The following CSGALNACT1 variants were observed in gnomAD, a reference collection of about 807,000 sequenced individuals.
CSGALNACT1 encodes the protein chondroitin sulfate N-acetylgalactosaminyltransferase 1, also known as beta4GalNAcT-1.
CSGALNACT1 carries 52 observed loss-of-function variants against 51.0 expected under a neutral mutation model. That is an observed-to-expected ratio of 1.02 (90% CI 0.82 to 1.29). The LOEUF (loss-of-function observed/expected upper bound fraction) is 1.29, where lower values mean the gene tolerates loss of function less well. Among genes scored for constraint, CSGALNACT1 ranks in the 50% most tolerant of loss-of-function variants. CSGALNACT1 has a pLI of 0.00. For synonymous variants in CSGALNACT1, 341 were observed against 254.4 expected (o/e 1.34, Z -3.24); for missense variants, 935 against 679.2 (o/e 1.38, Z -4.19).
chr8:19,537,158 G>A (rs1267206536), intron 3 of CSGALNACT1, among the ~76,000 whole-genome samples: 2 of 152,106 alleles, frequency 1.3e-5, no homozygotes, highest in Admixed American at 6.5e-5. Context: ...GCAGAAACTA[G>A]CTCTGGAAAA....
upstream of CSGALNACT1, among the ~76,000 whole-genome samples, chr8:19,603,193 C>A (rs889537120): frequency 1.3e-5 from 2 of 151,870 alleles, no homozygotes; most frequent in Non-Finnish European, 2.9e-5. Flanking sequence ...ATTGCTAAGT[C>A]TCAGGTCTAA....
chr8:19,508,642 G>A (rs1295921479), intron 3 of CSGALNACT1, among the ~76,000 whole-genome samples: 1 of 152,112 alleles, frequency 6.6e-6, no homozygotes, highest in Non-Finnish European at 1.5e-5. Flanking sequence ...GTGCTATTCT[G>A]CCACTTTCAA....
At chr8:19,551,743 C>T (rs2088166740) in intron 3 of CSGALNACT1, among the ~76,000 whole-genome samples, 1 of 146,692 alleles carries the variant, frequency 6.8e-6, no homozygotes, top group Non-Finnish European at 1.5e-5. Flanking sequence ...AATTTGCTTG[C>T]CATCTCCCAA....
intron 1 of CSGALNACT1, among the ~76,000 whole-genome samples, chr8:19,711,822 A>G (rs1365012917): frequency 2.0e-5 from 3 of 152,138 alleles, no homozygotes; most frequent in Non-Finnish European, 4.4e-5. Flanking sequence ...CAAAACTAGG[A>G]AAGGATAAAC....
chr8:19,491,572 G>T (rs989280058), intron 4 of CSGALNACT1, among the ~76,000 whole-genome samples: 2 of 152,062 alleles, frequency 1.3e-5, no homozygotes, highest in Admixed American at 6.6e-5. Context: ...ACTTTATTAG[G>T]TAAGAAAAAG....
intron 3 of CSGALNACT1, among the ~76,000 whole-genome samples, chr8:19,576,783 G>A (rs757761435): frequency 3.5e-4 from 53 of 152,134 alleles, no homozygotes; most frequent in East Asian, 1.9e-4. Context: ...ACTTGGGCCC[G>A]CTTGTGAGTG....
At chr8:19,594,248 G>GA (rs1186639294) in intron 2 of CSGALNACT1, among the ~76,000 whole-genome samples, 7 of 152,134 alleles carry the variant, frequency 4.6e-5, no homozygotes, top group Non-Finnish European at 1.0e-4. Flanking sequence ...AGAGGTGTAT[G>GA]AAAAAACTAC....
intron 3 of CSGALNACT1, among the ~76,000 whole-genome samples, chr8:19,523,031 C>G (rs1402895462): frequency 2.6e-5 from 4 of 152,132 alleles, no homozygotes; most frequent in African/African-American, 9.7e-5. Flanking sequence ...GAATATGATC[C>G]TTTTGAATAC....
chr8:19,458,379 T>C (rs1355977800), intron 5 of CSGALNACT1, 47 bp downstream of exon 4: 1 of 1,435,062 alleles, frequency 7.0e-7, no homozygotes, highest in South Asian at 1.1e-5. Context: ...ATCAGTGTTC[T>C]AACACACATC....
chr8:19,532,928 C>A (rs1471229859), intron 3 of CSGALNACT1, among the ~76,000 whole-genome samples: 2 of 152,136 alleles, frequency 1.3e-5, no homozygotes, highest in African/African-American at 2.4e-5. Flanking sequence ...GCCATACATC[C>A]CATCCGATCA....
At chr8:19,512,819 T>C (rs373331603) in intron 3 of CSGALNACT1, among the ~76,000 whole-genome samples, 2 of 152,190 alleles carry the variant, frequency 1.3e-5, no homozygotes, top group Non-Finnish European at 2.9e-5. Context: ...TTTCTTTAAG[T>C]GTCAGGGACT....
chr8:19,638,104 A>C (rs2056314718), intron 1 of CSGALNACT1, among the ~76,000 whole-genome samples: 1 of 152,146 alleles, frequency 6.6e-6, no homozygotes, highest in South Asian at 2.1e-4. Flanking sequence ...CTTGAAACCA[A>C]CGACTGTCTA....
chr8:19,544,285 T>A (rs900054408), intron 3 of CSGALNACT1, among the ~76,000 whole-genome samples: 1 of 152,130 alleles, frequency 6.6e-6, no homozygotes, highest in Non-Finnish European at 1.5e-5. Flanking sequence ...CTTTCTCTAA[T>A]CCAATCTTAA....
At chr8:19,565,469 A>G (rs957116193) in intron 3 of CSGALNACT1, among the ~76,000 whole-genome samples, 1 of 152,224 alleles carries the variant, frequency 6.6e-6, no homozygotes, top group Non-Finnish European at 1.5e-5. Flanking sequence ...CATTCATCTC[A>G]GGTAGTTAGA....
intron 1 of CSGALNACT1, among the ~76,000 whole-genome samples, chr8:19,624,632 G>T (rs1363585430): frequency 7.2e-5 from 11 of 151,808 alleles, no homozygotes; most frequent in African/African-American, 2.7e-4. Context: ...GTGACTCAGA[G>T]GATCAGGCTA....
chr8:19,503,780 GTT>G (rs77031912), intron 4 of CSGALNACT1, among the ~76,000 whole-genome samples: 10 of 139,050 alleles, frequency 7.2e-5, no homozygotes, highest in Non-Finnish European at 7.8e-5. Flanking sequence ...ATATGAATGA[GTT>G]TTTTTTTTTT....
rs558561073 is a variant in CSGALNACT1 at position 19,630,038 on chromosome 8, G to T, written c.-543-28173C>A. On this transcript the variant is annotated intron_variant, in intron 1 of 9. Coordinates refer to the CSGALNACT1 transcript ENST00000332246. ...AACATAGAATGAGTGTAGCCCCATG[G>T]ATGCTATGGCAGAGCAACGTGGAAA... Among the ~76,000 whole-genome samples the T allele has an allele frequency of 2.0e-3, 303 of 152,234 alleles. 1 individual carries two copies. Among genetic ancestry groups the T allele is most frequent in the African/African-American group, 6.9e-3 (285 of 41,548 alleles).
chr8:19,447,601 C>T (rs1029605640), intron 5 of CSGALNACT1, among the ~76,000 whole-genome samples: 1 of 152,206 alleles, frequency 6.6e-6, no homozygotes, highest in Admixed American at 6.5e-5. Flanking sequence ...ATCCCTGGAG[C>T]ACCCACCTAT....
chr8:19,688,416 G>A (rs1464667088), intron 1 of CSGALNACT1, among the ~76,000 whole-genome samples: 2 of 152,156 alleles, frequency 1.3e-5, no homozygotes, highest in Non-Finnish European at 2.9e-5. Flanking sequence ...GAAGGGGAAG[G>A]CAAGGGGTCA....
Sources: gnomAD v4.1 joint callset for allele counts (sites outside exome capture counted in the v4.1 genomes callset) on GRCh38, gnomAD v4.1.1 for gene constraint, MANE v1.5 for transcripts, NCBI Gene and HGNC (gene_info 2026-07-23, HGNC 2026-07-21) for gene names.